Variants in GGT1 observed in about 807,000 individuals in gnomAD.
The protein encoded by GGT1 is gamma-glutamyltransferase 1.
In GGT1, 21 loss-of-function variants were observed where a neutral mutation model predicts 56.0. The ratio of observed to expected loss-of-function variants is 0.38; its 90% CI spans 0.27 to 0.54. The LOEUF (loss-of-function observed/expected upper bound fraction) is 0.54, where lower values mean the gene tolerates loss of function less well. Ranked by LOEUF, GGT1 falls within the 20% of genes least tolerant of loss-of-function variation. The pLI, the probability that GGT1 is intolerant of heterozygous loss-of-function variation, is 0.82. For synonymous variants in GGT1, 238 were observed against 342.6 expected (o/e 0.69, Z 3.37); for missense variants, 466 against 787.0 (o/e 0.59, Z 4.88).
the GGT1 span, chr22:24,586,263 C>G: frequency 3.4e-5 from 55 of 1,613,770 alleles, no homozygotes; most frequent in Middle Eastern, 4.9e-4. Context: ...TCACTCAGCC[C>G]CGTGAAGCTC....
At chr22:24,612,741 G>C (rs2046799422) in intron 5 of GGT1, among the ~76,000 whole-genome samples, 1 of 152,098 alleles carries the variant, frequency 6.6e-6, no homozygotes. Context: ...TGGTCTGGCT[G>C]GTCTCAAACT....
chr22:24,616,249 AC>A (rs2147393004), intron 7 of GGT1, among the ~76,000 whole-genome samples: 1 of 151,970 alleles, frequency 6.6e-6, no homozygotes, highest in South Asian at 2.1e-4. Flanking sequence ...CCCTTTCTCT[AC>A]TAAAAGTACA....
At position 24,607,887 on chromosome 22, in the gene GGT1, C is replaced by T. The variant is rs1298089964; in HGVS notation, c.-428-67C>T. The T allele has an allele frequency of 5.9e-5, 25 of 422,288 alleles. No individual in the cohort carries two copies. In the East Asian group the frequency reaches 1.1e-3, roughly 19 times the overall value. 26.2% of individuals were successfully genotyped at this position (422,288 alleles called of 1,614,324 possible). On this transcript the variant is annotated intron_variant, in intron 1 of 15. Coordinates refer to ENST00000400382, the MANE Select transcript of GGT1 (RefSeq NM_001288833.2). Reference sequence around the variant, plus strand: ...GGCTCTGAGCCACTCTGGAGAGTGGCGGGGGGCCCAGCCAGTTCTGTGGCT... The same window carrying T: ...GGCTCTGAGCCACTCTGGAGAGTGGTGGGGGGCCCAGCCAGTTCTGTGGCT...
Position 24,605,457 on chromosome 22 carries a change from T to C in GGT1, c.-429+1930T>C, listed in dbSNP as rs1358704073. Among the ~76,000 whole-genome samples, 4 of 45,360 alleles carry C rather than the reference T, an allele frequency of 8.8e-5. 2 individuals carry two copies. Among genetic ancestry groups the C allele is most frequent in the Non-Finnish European group, 1.4e-4 (4 of 27,680 alleles). The allele number at this position is 45,360 out of a possible 152,430, so 29.8% of individuals were successfully genotyped here. On this transcript the variant is annotated intron_variant, in intron 1 of 15. Coordinates refer to ENST00000400382, the MANE Select transcript of GGT1 (RefSeq NM_001288833.2). ...ATATAACAATATATAATGTGTATTA[T>C]ATATAATATAATATTATATAATGTG...
At chr22:24,585,871 C>CAGCAATG in the GGT1 span, 1 of 1,561,608 alleles carries the variant, frequency 6.4e-7, no homozygotes, top group Non-Finnish European at 8.7e-7. Context: ...AGCAATGAGC[C>CAGCAATG]AGGTGGGTGG....
upstream of GGT1, chr22:24,592,507 C>G: frequency 4.5e-6 from 2 of 441,412 alleles, no homozygotes; most frequent in South Asian, 3.4e-5. Context: ...CCGGGCCCCT[C>G]CCATCTTGCC....
At chr22:24,611,044 C>T in intron 4 of GGT1, 31 bp from the exon 5 acceptor site, 2 of 1,580,896 alleles carry the variant, frequency 1.3e-6, no homozygotes, top group Admixed American at 1.8e-5. Flanking sequence ...TGAGGCTAGG[C>T]CTGACCCTGC....
intron 1 of GGT1, among the ~76,000 whole-genome samples, chr22:24,605,400 T>A (rs866526222): frequency 1.2e-5 from 1 of 80,630 alleles, no homozygotes; most frequent in African/African-American, 5.8e-5. Context: ...TATTATATAT[T>A]ATATAATATT....
rs1419869519 is a variant in GGT1, at chr22:24,627,581, C to T, written c.1170C>T (p.Asp390=). ...CTCACCTGTCTGTCGTCGCAGAGGA[C>T]GGCAGTGCTGTGTCCGCCACCAGCA... The part of the protein sequence containing the change: ...GTAHLSVVAE[D]GSAVSATSTI... The change falls in exon 12 of 16, where the codon GAC becomes GAT. Residue 390 remains aspartate (D), a synonymous_variant. Transcript: ENST00000400382. 16 of 1,610,458 alleles carry T rather than the reference C, an allele frequency of 9.9e-6. No individual in the cohort carries two copies. Among genetic ancestry groups the T allele is most frequent in the East Asian group, 4.5e-5 (2 of 44,814 alleles).
intron 2 of GGT1, 32 bp from the exon 3 acceptor site, chr22:24,609,933 C>G (rs1224621434): frequency 4.4e-6 from 2 of 458,984 alleles, no homozygotes; most frequent in African/African-American, 2.0e-5. Context: ...TGCCCACAGT[C>G]TAACCTACTC....
At chr22:24,588,133 T>TCACCAGCC in the GGT1 span, 1 of 1,109,136 alleles carries the variant, frequency 9.0e-7, no homozygotes, top group Non-Finnish European at 1.4e-6. Context: ...AGCACCAGCC[T>TCACCAGCC]CTTGGTGAGA....
chr22:24,597,163 A>G (rs1031947401), intron 1 of GGT1, among the ~76,000 whole-genome samples: 1 of 151,264 alleles, frequency 6.6e-6, no homozygotes, highest in African/African-American at 2.5e-5. Flanking sequence ...TTGTATTTTT[A>G]GTAGAGACAG....
intron 5 of GGT1, among the ~76,000 whole-genome samples, chr22:24,612,409 C>T (rs2046771490): frequency 6.6e-6 from 1 of 151,084 alleles, no homozygotes; most frequent in South Asian, 2.1e-4. Flanking sequence ...GTGCTGCACC[C>T]ACCAACTCAT....
the GGT1 span, chr22:24,589,516 T>C: frequency 2.1e-6 from 1 of 474,946 alleles, no homozygotes; most frequent in South Asian, 3.6e-5. Context: ...GGTCCCCATA[T>C]GACTTCTGCC....
chr22:24,589,380 T>C, the GGT1 span: 1 of 1,115,860 alleles, frequency 9.0e-7, no homozygotes, highest in Non-Finnish European at 1.1e-6. Context: ...AGGGTGTCTG[T>C]ACAGGATGGA....
the GGT1 span, chr22:24,589,192 C>T: frequency 8.3e-7 from 1 of 1,200,764 alleles, no homozygotes. Context: ...CTGGTCACAG[C>T]CACACATCCT....
intron 1 of GGT1, among the ~76,000 whole-genome samples, chr22:24,595,633 G>A (rs1219429457): frequency 1.3e-5 from 2 of 152,216 alleles, no homozygotes; most frequent in African/African-American, 4.8e-5. Context: ...GACACAGCTA[G>A]ACCTCAGGCC....
At chr22:24,621,626 A>T (rs1056609133) in intron 9 of GGT1, among the ~76,000 whole-genome samples, 6 of 152,124 alleles carry the variant, frequency 3.9e-5, no homozygotes, top group African/African-American at 1.4e-4. Flanking sequence ...CTGAGGCTGG[A>T]AATTGGCATG....
rs534749815 is a variant in GGT1, at chr22:24,614,348, C to CAAAAAAAAAAAA, written c.165-410_165-399dup. 8.4e-4 allele frequency among the ~76,000 whole-genome samples: 9 copies of CAAAAAAAAAAAA among 10,750 alleles called. 1 individual carries two copies. The highest frequency in any genetic ancestry group is 2.2e-3 in the African/African-American group (9 of 4,074). The allele number at this position is 10,750 out of a possible 152,430, so 7.1% of individuals were successfully genotyped here. A position where few individuals can be genotyped will look rare whatever the true frequency, so the allele number is the denominator to read the frequency against. ...TGAGCAACAAAGAGAGACTTTGTCT[C>CAAAAAAAAAAAA]AAAAAAAAAAAAAAAAAAAAAAAAA... is the stretch of plus-strand genomic sequence containing the variant. On this transcript the variant is annotated intron_variant, in intron 5 of 15. Transcript: ENST00000400382.
Sources: gnomAD v4.1 joint callset for allele counts (sites outside exome capture counted in the v4.1 genomes callset) on GRCh38, gnomAD v4.1.1 for gene constraint, MANE v1.5 for transcripts, NCBI Gene and HGNC (gene_info 2026-07-23, HGNC 2026-07-21) for gene names.